VAMP8: variants seen among roughly 807,000 people sequenced by gnomAD.
The protein encoded by VAMP8 is vesicle-associated membrane protein 8.
In VAMP8, 9 loss-of-function variants were observed where a neutral mutation model predicts 11.4. The ratio of observed to expected loss-of-function variants is 0.79; its 90% CI spans 0.48 to 1.38. VAMP8 has a LOEUF of 1.38. VAMP8 is among the 40% of genes most tolerant of loss of function. The pLI, the probability that VAMP8 is intolerant of heterozygous loss-of-function variation, is 0.00. For missense variants in VAMP8, 108 were observed against 127.8 expected (o/e 0.85, Z 0.75); for synonymous variants, 42 against 44.7 (o/e 0.94, Z 0.24).
chr2:85,578,970 C>T lies in VAMP8; in HGVS notation c.4-39C>T, dbSNP rs762476344. 24 of 1,579,962 alleles carry T rather than the reference C, an allele frequency of 1.5e-5. No homozygotes were observed. In the Admixed American group the frequency reaches 2.7e-4, roughly 18 times the overall value. On this transcript the variant is annotated intron_variant, in intron 1 of 2. Transcript: ENST00000263864. ...TCTCTGAGCCCAAGTCTCCAGTTCC[C>T]CCACCACTTGGTCTAATTAACCCCG...
At chr2:85,577,891 C>G (rs909836300) in intron 1 of VAMP8, among the ~76,000 whole-genome samples, 4 of 152,142 alleles carry the variant, frequency 2.6e-5, no homozygotes, top group Admixed American at 2.0e-4. Context: ...GCTGGGCTTC[C>G]GTGCCAGCGC....
At chr2:85,578,928 GCCTTAC>G (rs1281497982) in intron 1 of VAMP8, 75 bp from the exon 2 acceptor site, 2 of 1,481,440 alleles carry the variant, frequency 1.4e-6, no homozygotes, top group African/African-American at 2.8e-5. Context: ...TCTGCCTGAG[GCCTTAC>G]CCTCCCCAGA....
chr2:85,578,515 C>T (rs910285917), intron 1 of VAMP8, among the ~76,000 whole-genome samples: 2 of 152,152 alleles, frequency 1.3e-5, no homozygotes, highest in East Asian at 1.9e-4. Flanking sequence ...GGCCGTGCTC[C>T]GGCAGCTGGC....
chr2:85,579,029 A>G lies in VAMP8; in HGVS notation c.24A>G (p.Gly8=). The G allele has an allele frequency of 1.9e-6, 3 of 1,606,486 alleles. No individual in the cohort carries two copies. The highest frequency in any genetic ancestry group is 2.6e-6 in the Non-Finnish European group (3 of 1,175,854). The change falls in exon 2 of 3, where the codon GGA becomes GGG. Residue 8 remains glycine (G), a synonymous_variant. Coordinates refer to ENST00000263864, the MANE Select transcript of VAMP8 (RefSeq NM_003761.5). ...CACAGGAGGAAGCCAGTGAAGGTGG[A>G]GGAAATGATCGTGTGCGGAACCTGC... MEEASEG[G]GNDRVRNLQS... is the part of the protein sequence containing the mutation.
chr2:85,577,680 G>A (rs889876556), intron 1 of VAMP8, 31 bp downstream of exon 1: 8 of 1,551,698 alleles, frequency 5.2e-6, no homozygotes, highest in Non-Finnish European at 7.0e-6. Flanking sequence ...GAAAGGGCTG[G>A]TTTAAAGAGG....
chr2:85,579,194 G>A (rs1672329590), intron 2 of VAMP8, 27 bp downstream of exon 2: 4 of 1,547,882 alleles, frequency 2.6e-6, no homozygotes, highest in Non-Finnish European at 3.5e-6. Context: ...ACTGGGGGCT[G>A]GAGGAAAACA....
intron 1 of VAMP8, among the ~76,000 whole-genome samples, chr2:85,578,088 T>C (rs928208897): frequency 1.5e-4 from 23 of 152,334 alleles, no homozygotes; most frequent in Admixed American, 1.5e-3. Context: ...AAAGGATTTG[T>C]GTGTCCACTG....
intron 2 of VAMP8, chr2:85,579,657 T>C (rs1048031387): frequency 2.0e-6 from 3 of 1,499,604 alleles, no homozygotes; most frequent in Non-Finnish European, 2.7e-6. Context: ...AGTGAAATGC[T>C]TTGATCCCAG....
At chr2:85,578,970 C>A (rs762476344) in intron 1 of VAMP8, 39 bp from the exon 2 acceptor site, 1 of 1,580,080 alleles carries the variant, frequency 6.3e-7, no homozygotes, top group East Asian at 2.3e-5. Context: ...CTCCAGTTCC[C>A]CCACCACTTG....
chr2:85,579,692 A>T (rs1353920497), intron 2 of VAMP8: 2 of 1,537,414 alleles, frequency 1.3e-6, no homozygotes, highest in Non-Finnish European at 1.8e-6. Context: ...TGAAGGCTAA[A>T]ATAATATCTC....
Position 85,581,648 on chromosome 2 carries a change from C to G in VAMP8, c.235C>G (p.Leu79Val). Residue 79 changes from leucine (L) to valine (V), a missense_variant, in exon 3 of 3, where the codon CTT (leucine) becomes GTT (valine). Transcript: ENST00000263864. ...GTGGAAGAACGTGAAGATGATTGTC[C>G]TTATCTGCGTGATTGTTTTTATCAT... is the stretch of plus-strand genomic sequence containing the variant. ...FWWKNVKMIV[L>V]ICVIVFIIIL... 1 of 1,614,160 alleles carries G rather than the reference C, an allele frequency of 6.2e-7. No individual in the cohort carries two copies. Among genetic ancestry groups the G allele is most frequent in the Non-Finnish European group, 8.5e-7 (1 of 1,180,050 alleles).
intron 1 of VAMP8, 94 bp from the exon 2 acceptor site, chr2:85,578,915 A>T: frequency 1.5e-6 from 2 of 1,334,376 alleles, no homozygotes; most frequent in Non-Finnish European, 2.1e-6. Context: ...CAAAAAGCTT[A>T]AGTCTGCCTG....
chr2:85,578,480 GT>G (rs1056388046), intron 1 of VAMP8, among the ~76,000 whole-genome samples: 12 of 152,318 alleles, frequency 7.9e-5, no homozygotes, highest in African/African-American at 2.6e-4. Context: ...GTTGTTCTGG[GT>G]CACAGCAATG....
Position 85,579,114 on chromosome 2 carries a change from C to CG in VAMP8, c.115dup (p.Glu39GlyfsTer18), listed in dbSNP as rs774807701. ...CCAGAATGTGGAGCGGATCCTGGCC[C>CG]GGGGGGAAAACTTGGAACATCTCCG... On this transcript the variant is annotated frameshift_variant, in exon 2 of 3. Transcript: ENST00000263864. LOFTEE classifies it high-confidence loss of function. The CG allele has an allele frequency of 5.6e-6, 9 of 1,608,098 alleles. No homozygotes were observed. The highest frequency in any genetic ancestry group is 7.6e-6 in the Non-Finnish European group (9 of 1,176,898).
At chr2:85,579,209 G>C (rs140052824) in intron 2 of VAMP8, 42 bp downstream of exon 2, 28,286 of 1,513,170 alleles carry the variant, frequency 0.019, 380 homozygotes, top group Admixed American at 0.034. Flanking sequence ...AAAACAGGGA[G>C]GGAGGGAATT....
At chr2:85,578,985 A>C (rs777193785) in intron 1 of VAMP8, 24 bp from the exon 2 acceptor site, 196 of 1,590,074 alleles carry the variant, frequency 1.2e-4, no homozygotes, top group Non-Finnish European at 1.6e-4. Context: ...CACTTGGTCT[A>C]ATTAACCCCG....
intron 1 of VAMP8, among the ~76,000 whole-genome samples, chr2:85,578,250 T>C (rs139977225): frequency 0.019 from 2,844 of 152,298 alleles, 39 homozygotes; most frequent in Admixed American, 0.029. Context: ...AATACTATTT[T>C]TCTCTCCTTG....
intron 2 of VAMP8, chr2:85,579,873 G>A (rs745407110): frequency 1.6e-5 from 25 of 1,550,304 alleles, no homozygotes; most frequent in Middle Eastern, 1.7e-4. Context: ...CTTGGCTCTT[G>A]GGTATTGCTC....
chr2:85,580,372 A>G (rs1414210859), intron 2 of VAMP8, among the ~76,000 whole-genome samples: 1 of 152,124 alleles, frequency 6.6e-6, no homozygotes, highest in Non-Finnish European at 1.5e-5. Flanking sequence ...CTCCAGCCTC[A>G]GCAGTCCCGA....
Sources: gnomAD v4.1 joint callset for allele counts (sites outside exome capture counted in the v4.1 genomes callset) on GRCh38, gnomAD v4.1.1 for gene constraint, MANE v1.5 for transcripts, NCBI Gene and HGNC (gene_info 2026-07-23, HGNC 2026-07-21) for gene names.